ABCB11: variants seen among roughly 807,000 people sequenced by gnomAD.
ABCB11 encodes the protein ATP binding cassette subfamily B member 11.
ABCB11 carries 95 observed loss-of-function variants against 148.0 expected under a neutral mutation model. That is an observed-to-expected ratio of 0.64 (90% CI 0.54 to 0.76). The LOEUF (loss-of-function observed/expected upper bound fraction) is 0.76. Among genes scored for constraint, ABCB11 ranks in the 30% least tolerant of loss-of-function variants. The pLI is 0.00. For synonymous variants in ABCB11, 591 were observed against 555.4 expected, an observed-to-expected ratio of 1.06 and a Z score of -0.90; for missense variants, 1,523 against 1,617.8, an observed-to-expected ratio of 0.94 and a Z score of 1.01.
chr2:169,029,957 G>A (rs1695816244), intron 1 of ABCB11, among the ~76,000 whole-genome samples: 1 of 148,586 alleles, frequency 6.7e-6, no homozygotes, highest in African/African-American at 2.5e-5. Flanking sequence ...AGCCAGGATG[G>A]TCTCGATCTC....
intron 18 of ABCB11, among the ~76,000 whole-genome samples, chr2:168,962,280 C>A (rs1370562428): frequency 6.6e-6 from 1 of 151,652 alleles, no homozygotes; most frequent in Non-Finnish European, 1.5e-5. Flanking sequence ...GTATGCTGGC[C>A]TACATATAAC....
At chr2:168,978,764 G>T (rs1694024766) in intron 11 of ABCB11, among the ~76,000 whole-genome samples, 1 of 152,018 alleles carries the variant, frequency 6.6e-6, no homozygotes, top group South Asian at 2.1e-4. Flanking sequence ...TGTTGCCCAG[G>T]CTGGAGAGCA....
intron 19 of ABCB11, among the ~76,000 whole-genome samples, chr2:168,950,209 T>C (rs1291261762): frequency 6.6e-6 from 1 of 151,326 alleles, no homozygotes; most frequent in Admixed American, 6.6e-5. Context: ...TAAATATGTA[T>C]ATATATGTGT....
chr2:168,984,318 A>G (rs897448109), intron 10 of ABCB11, among the ~76,000 whole-genome samples: 1 of 152,096 alleles, frequency 6.6e-6, no homozygotes, highest in African/African-American at 2.4e-5. Flanking sequence ...TAAAGTGTAA[A>G]TCCCATCAAG....
intron 26 of ABCB11, among the ~76,000 whole-genome samples, chr2:168,926,406 C>T (rs184017981): frequency 4.6e-4 from 70 of 152,170 alleles, no homozygotes; most frequent in Admixed American, 3.7e-3. Flanking sequence ...TTCATTTTAA[C>T]GTTATTTTCT....
rs1573960974 is a variant in ABCB11 at position 168,999,386 on chromosome 2, T to C, written c.390-2664A>G. Among the ~76,000 whole-genome samples, 5 of 152,072 alleles carry C rather than the reference T, an allele frequency of 3.3e-5. No homozygotes were observed. In the East Asian group the frequency reaches 9.7e-4, roughly 29 times the overall value. ...TATCTTGCAAAACTGTAGTACAATA[T>C]CACACCCAGGATATTGACAGTGATA... On this transcript the variant is annotated intron_variant, in intron 5 of 27. Coordinates refer to ENST00000650372, the MANE Select transcript of ABCB11 (RefSeq NM_003742.4).
intron 13 of ABCB11, among the ~76,000 whole-genome samples, chr2:168,972,888 G>C (rs1693647799): frequency 1.3e-5 from 2 of 152,004 alleles, no homozygotes; most frequent in South Asian, 4.1e-4. Context: ...CCCTAGACAA[G>C]TTTCCATCTC....
chr2:169,026,460 G>GA (rs1695698313), intron 1 of ABCB11, among the ~76,000 whole-genome samples: 1 of 152,130 alleles, frequency 6.6e-6, no homozygotes, highest in South Asian at 2.1e-4. Context: ...CCATTGTGCT[G>GA]AAAATCTTAA....
intron 11 of ABCB11, among the ~76,000 whole-genome samples, chr2:168,978,338 G>A (rs756143502): frequency 2.0e-5 from 3 of 151,608 alleles, no homozygotes; most frequent in Non-Finnish European, 2.9e-5. Context: ...TAGAGACAGG[G>A]TTGCCCAGGC....
Position 168,921,753 on chromosome 2 carries a change from G to T in ABCB11, c.*1869C>A, listed in dbSNP as rs556972863. Among the ~76,000 whole-genome samples, 11 of 152,084 alleles carry T rather than the reference G, an allele frequency of 7.2e-5. No homozygotes were observed. Among genetic ancestry groups the T allele is most frequent in the African/African-American group, 2.4e-4 (10 of 41,474 alleles). ...CAAAAAGCCTGGGGAAGCTCTGATCGAGTGGGTGCTTGTTGGTTGACAGGT... is the reference window on the plus strand; with the variant it reads ...CAAAAAGCCTGGGGAAGCTCTGATCTAGTGGGTGCTTGTTGGTTGACAGGT... On this transcript the variant is annotated 3_prime_UTR_variant, in exon 28 of 28. Coordinates refer to ENST00000650372, the MANE Select transcript of ABCB11 (RefSeq NM_003742.4).
In ABCB11 at chr2:169,024,682, A is replaced by T. The variant is rs562273939; in HGVS notation, c.-27-6530T>A. Among the ~76,000 whole-genome samples the T allele has an allele frequency of 7.2e-5, 11 of 152,214 alleles. No individual in the cohort carries two copies. In the South Asian group the frequency reaches 2.3e-3, roughly 32 times the overall value. ...AATTCCTTTTCTGTTCCAGGATTCCATCTAGGATACCAAGTTTATAATGTT... is the reference window on the plus strand; with the variant it reads ...AATTCCTTTTCTGTTCCAGGATTCCTTCTAGGATACCAAGTTTATAATGTT... On this transcript the variant is annotated intron_variant, in intron 1 of 27. Transcript: ENST00000650372.
At chr2:168,951,274 T>C (rs181935787) in intron 19 of ABCB11, among the ~76,000 whole-genome samples, 104 of 151,902 alleles carry the variant, frequency 6.8e-4, no homozygotes, top group African/African-American at 2.5e-3. Flanking sequence ...AATTGTTTTT[T>C]TCTAATTCTG....
chr2:168,953,752 C>T (rs1692668439), intron 19 of ABCB11, among the ~76,000 whole-genome samples: 1 of 151,578 alleles, frequency 6.6e-6, no homozygotes, highest in Non-Finnish European at 1.5e-5. Context: ...TCGGGAACTG[C>T]TTAGGGCAAA....
chr2:168,997,949 G>T (rs1694764493), intron 5 of ABCB11, among the ~76,000 whole-genome samples: 1 of 151,984 alleles, frequency 6.6e-6, no homozygotes. Context: ...TAATTAGGAA[G>T]GGAAATAACT....
intron 1 of ABCB11, among the ~76,000 whole-genome samples, chr2:169,030,044 C>G (rs1695820113): frequency 1.3e-5 from 2 of 152,004 alleles, no homozygotes; most frequent in South Asian, 4.2e-4. Context: ...CCGGCCAGTT[C>G]TTTCCTCTTG....
At chr2:169,007,752 C>G (rs775127346) in intron 5 of ABCB11, among the ~76,000 whole-genome samples, 2 of 152,010 alleles carry the variant, frequency 1.3e-5, no homozygotes, top group Non-Finnish European at 2.9e-5. Flanking sequence ...AGATATGACA[C>G]CAATTCAGAA....
chr2:168,934,208 CAA>C (rs1291070335), intron 23 of ABCB11, among the ~76,000 whole-genome samples: 2 of 151,948 alleles, frequency 1.3e-5, no homozygotes, highest in African/African-American at 2.4e-5. Context: ...TTTAAATATG[CAA>C]AGATTTAGAA....
At chr2:168,955,211 TA>T (rs1692737684) in intron 19 of ABCB11, among the ~76,000 whole-genome samples, 1 of 151,730 alleles carries the variant, frequency 6.6e-6, no homozygotes, top group Admixed American at 6.6e-5. Context: ...TTACTATCTT[TA>T]AAAATCAATA....
downstream of ABCB11, among the ~76,000 whole-genome samples, chr2:168,915,896 C>T (rs899811502): frequency 5.3e-5 from 8 of 152,078 alleles, no homozygotes; most frequent in Non-Finnish European, 1.0e-4. Flanking sequence ...AAAAGCGTGT[C>T]GGATTGGGTG....
Sources: gnomAD v4.1 joint callset for allele counts (sites outside exome capture counted in the v4.1 genomes callset) on GRCh38, gnomAD v4.1.1 for gene constraint, MANE v1.5 for transcripts, NCBI Gene and HGNC (gene_info 2026-07-23, HGNC 2026-07-21) for gene names.